The following SPNS3 variants were observed in gnomAD, a reference collection of about 807,000 sequenced individuals.
SPNS3 encodes the protein protein spinster homolog 3.
A neutral mutation model predicts 54.4 loss-of-function variants in SPNS3; 51 were observed. The observed-to-expected ratio is 0.94, with a 90% CI of 0.75 to 1.18. SPNS3 has a LOEUF of 1.18. Ranked by LOEUF, SPNS3 falls within the 50% of genes most tolerant of loss-of-function variation. The pLI is 0.00. For synonymous variants in SPNS3, 309 were observed against 294.7 expected (o/e 1.05, Z -0.50); for missense variants, 669 against 677.4 (o/e 0.99, Z 0.14).
At chr17:4,449,496 G>C in intron 7 of SPNS3, 109 bp downstream of exon 7, 3 of 1,327,398 alleles carry the variant, frequency 2.3e-6, no homozygotes, top group Non-Finnish European at 3.0e-6. Flanking sequence ...GGGGCATTTG[G>C]TGCTGTGTGA....
At chr17:4,441,951 T>A (rs1970859559) in intron 2 of SPNS3, among the ~76,000 whole-genome samples, 1 of 143,468 alleles carries the variant, frequency 7.0e-6, no homozygotes, top group African/African-American at 2.6e-5. Flanking sequence ...TGGTCAAGAT[T>A]ATTACTACAA....
Position 4,448,228 on chromosome 17 carries a change from C to A in SPNS3, c.695C>A (p.Ala232Asp), listed in dbSNP as rs267604923. ...LLVPDPPRGAAETQGEGAVGG... is the reference protein window; with the variant it reads ...LLVPDPPRGADETQGEGAVGG... ...GTTCCAGACCCACCCCGGGGAGCTGCCGAGACACAGGGGGAGGGGGCCGTG... is the reference window on the plus strand; with the variant it reads ...GTTCCAGACCCACCCCGGGGAGCTGACGAGACACAGGGGGAGGGGGCCGTG... The change falls in exon 6 of 12, where the codon GCC (alanine) becomes GAC (aspartate). Residue 232 changes from alanine to aspartate, a missense_variant. Physicochemically the swap from Ala to Asp is moderately radical, Grantham distance 126 (BLOSUM62 -2). Transcript: ENST00000355530. 1 of 1,603,030 alleles carries A rather than the reference C, an allele frequency of 6.2e-7. No homozygotes were observed. Among genetic ancestry groups the A allele is most frequent in the Non-Finnish European group, 8.5e-7 (1 of 1,175,198 alleles).
At chr17:4,439,151 G>A (rs77874345) in intron 1 of SPNS3, among the ~76,000 whole-genome samples, 6,898 of 151,354 alleles carry the variant, frequency 0.046, 508 homozygotes, top group African/African-American at 0.16. Context: ...GAGATGGAGC[G>A]TGGCTCTTGT....
At chr17:4,437,136 A>T (rs1454236349) in intron 1 of SPNS3, among the ~76,000 whole-genome samples, 1 of 152,156 alleles carries the variant, frequency 6.6e-6, no homozygotes, top group Non-Finnish European at 1.5e-5. Context: ...GTAAACAGCT[A>T]AAATGTTCTT....
At position 4,446,194 on chromosome 17, in the gene SPNS3, T is replaced by C. The variant is rs745491949; in HGVS notation, c.549T>C (p.Val183=). 10 of 1,609,174 alleles carry C rather than the reference T, an allele frequency of 6.2e-6. No individual in the cohort carries two copies. The South Asian group carries it at 1.1e-4, about 18-fold the overall frequency. ...CTGTCTTCTACATCTTTATCCCCGT[T>C]GGAAGGTTGGTATCACCCGTGGGTC... ...VLAVFYIFIP[V]GSGLGYVLGS... The change falls in exon 4 of 12, where the codon GTT becomes GTC. Residue 183 remains valine, a synonymous_variant. Transcript: ENST00000355530.
At chr17:4,473,730 A>C (rs958639995) in intron 8 of SPNS3, among the ~76,000 whole-genome samples, 1 of 151,992 alleles carries the variant, frequency 6.6e-6, no homozygotes, top group Non-Finnish European at 1.5e-5. Flanking sequence ...CCTGGGATGG[A>C]GGCCTGATAA....
intron 2 of SPNS3, among the ~76,000 whole-genome samples, chr17:4,443,827 A>C (rs913744118): frequency 6.6e-6 from 1 of 152,264 alleles, no homozygotes; most frequent in Non-Finnish European, 1.5e-5. Context: ...TGGGCCGGGC[A>C]CAGTGGCCCA....
At chr17:4,442,830 TC>T (rs1970887332) in intron 2 of SPNS3, among the ~76,000 whole-genome samples, 1 of 152,158 alleles carries the variant, frequency 6.6e-6, no homozygotes, top group Admixed American at 6.6e-5. Context: ...GGGATTTGAA[TC>T]CAGGAAGTGT....
At chr17:4,463,871 G>A (rs1357513772) in intron 8 of SPNS3, among the ~76,000 whole-genome samples, 1 of 152,064 alleles carries the variant, frequency 6.6e-6, no homozygotes, top group Non-Finnish European at 1.5e-5. Flanking sequence ...GTGTGTCGAT[G>A]TGTGCTGTTT....
chr17:4,486,174 C>G lies in SPNS3; in HGVS notation c.1180-54C>G. 6.9e-7 allele frequency: 1 copy of G among 1,453,008 alleles called. No homozygotes were observed. Among genetic ancestry groups the G allele is most frequent in the Non-Finnish European group, 9.1e-7 (1 of 1,097,462 alleles). 90.0% of individuals were successfully genotyped at this position (1,453,008 alleles called of 1,614,324 possible). On this transcript the variant is annotated intron_variant, in intron 9 of 11. Transcript: ENST00000355530. This position sits in a 1 kb window ranked among gnomAD's most constrained non-coding sequence, Gnocchi z 5.5. ...CAGGTCCTTGGCAGGTGGGGAACAG[C>G]AGGCAAGGGTGCCCTCACTTGGGGT... is the stretch of plus-strand genomic sequence containing the variant.
chr17:4,486,612 T>A lies in SPNS3; in HGVS notation c.1450+29T>A. The stretch of plus-strand genomic sequence containing the variant: ...CCCTACCCATTGCACCAGGCCCGGC[T>A]CAGGGCCGGCACCCTAGGGACAGAC... On this transcript the variant is annotated intron_variant, in intron 11 of 11. Transcript: ENST00000355530. This position sits in a 1 kb window ranked among gnomAD's most constrained non-coding sequence, Gnocchi z 5.5. 1 of 1,590,634 alleles carries A rather than the reference T, an allele frequency of 6.3e-7. No homozygotes were observed. Among genetic ancestry groups the A allele is most frequent in the Non-Finnish European group, 8.6e-7 (1 of 1,166,826 alleles).
chr17:4,479,143 T>A (rs972932489), intron 9 of SPNS3, among the ~76,000 whole-genome samples: 1 of 152,140 alleles, frequency 6.6e-6, no homozygotes, highest in African/African-American at 2.4e-5. Flanking sequence ...GGTTTCACCA[T>A]ATTGGCGAGG....
chr17:4,449,350 C>G lies in SPNS3; in HGVS notation c.886C>G (p.Pro296Ala). The G allele has an allele frequency of 6.2e-7, 1 of 1,608,094 alleles. No homozygotes were observed. The highest frequency in any genetic ancestry group is 8.5e-7 in the Non-Finnish European group (1 of 1,179,228). ...LEARVVHGLQ[P>A]PCFQEPCSNP... ...GGCACGCGTGGTTCACGGGCTGCAG[C>G]CTCCCTGCTTCCAGGAGCCGTGCAG... Residue 296 changes from proline (P) to alanine (A), a missense_variant, in exon 7 of 12, where the codon CCT becomes GCT. Transcript: ENST00000355530.
At chr17:4,443,093 G>C (rs191059693) in intron 2 of SPNS3, among the ~76,000 whole-genome samples, 1 of 151,304 alleles carries the variant, frequency 6.6e-6, no homozygotes, top group African/African-American at 2.4e-5. Context: ...TTTTTTGAGA[G>C]AGACTCTCGC....
At chr17:4,441,075 G>A (rs139731603) in intron 2 of SPNS3, among the ~76,000 whole-genome samples, 1 of 152,274 alleles carries the variant, frequency 6.6e-6, no homozygotes, top group Non-Finnish European at 1.5e-5. Flanking sequence ...ACTCAACCCT[G>A]TAGCTCCAAG....
At position 4,446,114 on chromosome 17, in the gene SPNS3, G is replaced by A. The variant is rs759982981; in HGVS notation, c.469G>A (p.Ala157Thr). The A allele has an allele frequency of 5.0e-6, 8 of 1,613,120 alleles. No individual in the cohort carries two copies. The African/African-American group carries it at 6.7e-5, about 13-fold the overall frequency. Residue 157 changes from alanine (A) to threonine (T), a missense_variant, in exon 4 of 12, where the codon GCG (alanine) becomes ACG (threonine). Physicochemically the swap from Ala to Thr is moderately conservative, Grantham distance 58 (BLOSUM62 0). Transcript: ENST00000355530. ...GTGSASYSTI[A>T]PTVLGDLFVR... ...TGGCTCGGCCAGCTACTCCACCATC[G>A]CGCCCACCGTCCTGGGCGACCTCTT...
intron 8 of SPNS3, among the ~76,000 whole-genome samples, chr17:4,458,535 C>T (rs1971385021): frequency 9.5e-6 from 1 of 105,272 alleles, no homozygotes; most frequent in South Asian, 4.2e-4. Flanking sequence ...CGCCTTCCTT[C>T]CTTCCTTCCT....
intron 8 of SPNS3, among the ~76,000 whole-genome samples, chr17:4,457,951 T>A (rs1032701894): frequency 6.6e-6 from 1 of 152,122 alleles, no homozygotes. Context: ...TCTGGCATGG[T>A]ACCCACCGAT....
chr17:4,450,940 G>A (rs1460115446), intron 7 of SPNS3, among the ~76,000 whole-genome samples: 1 of 151,980 alleles, frequency 6.6e-6, no homozygotes, highest in East Asian at 1.9e-4. Context: ...TCTCTTGGCT[G>A]TAAGAGTCTG....
Sources: allele counts gnomAD v4.1 joint callset (sites outside exome capture counted in the v4.1 genomes callset), GRCh38; gene constraint gnomAD v4.1.1; non-coding constraint Gnocchi (gnomAD v3.1); transcripts MANE v1.5; gene names NCBI Gene and HGNC (gene_info 2026-07-23, HGNC 2026-07-21).